SMIM7: variants seen among roughly 807,000 people sequenced by gnomAD.
SMIM7 encodes small integral membrane protein 7.
In SMIM7, 12 loss-of-function variants were observed where a neutral mutation model predicts 13.3. The observed-to-expected ratio is 0.90, with a 90% CI of 0.58 to 1.46. The LOEUF is 1.46. SMIM7 is among the 40% of genes most tolerant of loss of function. SMIM7 has a pLI of 0.00. For synonymous variants in SMIM7, 36 were observed against 35.8 expected (o/e 1.01, Z -0.02); for missense variants, 114 against 94.8 (o/e 1.20, Z -0.84).
intron 4 of SMIM7, among the ~76,000 whole-genome samples, chr19:16,648,043 C>T (rs2086472413): frequency 6.6e-6 from 1 of 152,164 alleles, no homozygotes; most frequent in Non-Finnish European, 1.5e-5. Context: ...CTTACGTGTA[C>T]ATCTTTGTAA....
intron 2 of SMIM7, 76 bp from the exon 3 acceptor site, chr19:16,659,523 G>A: frequency 9.0e-6 from 13 of 1,449,632 alleles, no homozygotes; most frequent in Admixed American, 1.9e-5. Flanking sequence ...AGCTCAGAAG[G>A]CCACAAACAC....
intron 3 of SMIM7, chr19:16,655,290 T>G: frequency 2.2e-6 from 1 of 455,992 alleles, no homozygotes; most frequent in Non-Finnish European, 4.4e-6. Context: ...GAAGGCAATT[T>G]AGTACGTGAA....
At chr19:16,645,288 C>T (rs2086438655), downstream of SMIM7, 1 of 152,190 alleles carries the variant, frequency 6.6e-6, no homozygotes, top group Non-Finnish European at 1.5e-5. Flanking sequence ...CACGATTCAT[C>T]CCCATAATGG....
intron 3 of SMIM7, among the ~76,000 whole-genome samples, chr19:16,656,539 G>A (rs1186764422): frequency 6.6e-6 from 1 of 152,076 alleles, no homozygotes; most frequent in Non-Finnish European, 1.5e-5. Flanking sequence ...AAGTTTGGGT[G>A]TCCTGGGAAT....
At chr19:16,632,848 A>G (rs2086331911) in intron 4 of SMIM7, among the ~76,000 whole-genome samples, 2 of 152,182 alleles carry the variant, frequency 1.3e-5, no homozygotes, top group African/African-American at 4.8e-5. Flanking sequence ...GAGCATTTCA[A>G]TAAGCTCATA....
At chr19:16,644,118 G>GTTTTTTTT (rs557600997), downstream of SMIM7, among the ~76,000 whole-genome samples, 8 of 85,426 alleles carry the variant, frequency 9.4e-5, no homozygotes, top group Non-Finnish European at 1.3e-4. Flanking sequence ...AATTGTTTGC[G>GTTTTTTTT]TTTTTTTTTT....
chr19:16,659,413 A>C lies in SMIM7; in HGVS notation c.103T>G (p.Ser35Ala), dbSNP rs1599379913. ...KKDTQGFGEESREPSTGDNIR... is the reference protein window; with the variant it reads ...KKDTQGFGEEAREPSTGDNIR... ...ACCTTACCTGTGCTGGGCTCCCTGG[A>C]CTCCTCCCCAAAGCCCTGCGTGTCC... The change falls in exon 3 of 5, where the codon TCC becomes GCC. Residue 35 changes from serine to alanine, a missense_variant. Ser to Ala is a moderately conservative substitution (Grantham distance 99). Coordinates refer to ENST00000487416, the MANE Select transcript of SMIM7 (RefSeq NM_024104.4). 1 of 1,612,972 alleles carries C rather than the reference A, an allele frequency of 6.2e-7. No individual in the cohort carries two copies. The highest frequency in any genetic ancestry group is 1.3e-5 in the African/African-American group (1 of 74,676).
At chr19:16,642,750 G>A (rs1209722884), downstream of SMIM7, among the ~76,000 whole-genome samples, 1 of 151,720 alleles carries the variant, frequency 6.6e-6, no homozygotes, top group Non-Finnish European at 1.5e-5. Flanking sequence ...AGACTGAGGT[G>A]GGAGGATCGT....
chr19:16,644,184 G>A (rs755935126), downstream of SMIM7, among the ~76,000 whole-genome samples: 76 of 144,746 alleles, frequency 5.3e-4, no homozygotes, highest in Non-Finnish European at 9.4e-4. Flanking sequence ...GCAATGGCGC[G>A]ATCTCGGCTC....
At chr19:16,659,330 G>T (rs2122559190) in intron 3 of SMIM7, 65 bp downstream of exon 3, 1 of 1,398,286 alleles carries the variant, frequency 7.2e-7, no homozygotes, top group Non-Finnish European at 1.0e-6. Flanking sequence ...CGAAGGTAGG[G>T]CTTGGCGAAA....
intron 4 of SMIM7, among the ~76,000 whole-genome samples, chr19:16,632,027 AC>A (rs1192281925): frequency 6.6e-6 from 1 of 151,398 alleles, no homozygotes; most frequent in Non-Finnish European, 1.5e-5. Context: ...GTGCCACCAC[AC>A]CCAGCTAATT....
chr19:16,633,418 TA>T (rs1191729444), intron 4 of SMIM7, among the ~76,000 whole-genome samples: 1 of 136,980 alleles, frequency 7.3e-6, no homozygotes, highest in East Asian at 2.1e-4. Flanking sequence ...ATGGTGCCAT[TA>T]CACTCCAGCC....
rs930858606 is a variant in SMIM7 at position 16,647,126 on chromosome 19, C to G, written c.*120G>C. 4 of 1,355,690 alleles carry G rather than the reference C, an allele frequency of 3.0e-6. No individual in the cohort carries two copies. The African/African-American group carries it at 4.3e-5, about 15-fold the overall frequency. The allele number at this position is 1,355,690 out of a possible 1,614,324, so 84.0% of individuals were successfully genotyped here. On this transcript the variant is annotated 3_prime_UTR_variant, in exon 5 of 5. Coordinates refer to ENST00000487416, the MANE Select transcript of SMIM7 (RefSeq NM_024104.4). ...CGAACACTTTTCCACCCACCACGAG[C>G]TTGGACTTTCTGGGAAGGTTGTCGG...
intron 4 of SMIM7, among the ~76,000 whole-genome samples, chr19:16,637,896 GTAT>G (rs1455094630): frequency 2.0e-5 from 3 of 152,192 alleles, no homozygotes; most frequent in Non-Finnish European, 4.4e-5. Flanking sequence ...AACAGGGACT[GTAT>G]TTGGAGACAG....
intron 4 of SMIM7, chr19:16,652,763 C>T: frequency 8.1e-6 from 12 of 1,490,236 alleles, no homozygotes; most frequent in Non-Finnish European, 9.8e-6. Context: ...CTCAATCACT[C>T]AGGACAGACA....
intron 4 of SMIM7, among the ~76,000 whole-genome samples, chr19:16,639,248 G>A (rs575172416): frequency 6.3e-4 from 95 of 150,448 alleles, no homozygotes; most frequent in African/African-American, 2.3e-3. Context: ...TCAGCCTCCC[G>A]AGTAGCTGGG....
chr19:16,658,957 C>A (rs10403969), intron 3 of SMIM7, among the ~76,000 whole-genome samples: 51,516 of 151,812 alleles, frequency 0.34, 12,765 homozygotes, highest in African/African-American at 0.7. Context: ...GGCAGAAAGG[C>A]TAGCACATTC....
intron 3 of SMIM7, among the ~76,000 whole-genome samples, chr19:16,654,504 C>T (rs1230140980): frequency 6.6e-6 from 1 of 152,118 alleles, no homozygotes; most frequent in African/African-American, 2.4e-5. Context: ...AATCCAGCAG[C>T]CTCTTCCACC....
chr19:16,652,486 G>A, intron 4 of SMIM7: 3 of 991,722 alleles, frequency 3.0e-6, no homozygotes, highest in Non-Finnish European at 3.6e-6. Flanking sequence ...ACAGGCCTGA[G>A]CCACTGCCCC....
Sources: allele counts gnomAD v4.1 joint callset (sites outside exome capture counted in the v4.1 genomes callset), GRCh38; gene constraint gnomAD v4.1.1; transcripts MANE v1.5; gene names NCBI Gene and HGNC (gene_info 2026-07-23, HGNC 2026-07-21).